TMEM132B: variants seen among roughly 807,000 people sequenced by gnomAD.
TMEM132B encodes transmembrane protein 132B.
A neutral mutation model predicts 90.8 loss-of-function variants in TMEM132B; 18 were observed. That is an observed-to-expected ratio of 0.20 (90% confidence interval 0.14 to 0.29). TMEM132B has a LOEUF of 0.29. Among genes scored for constraint, TMEM132B ranks in the 10% least tolerant of loss-of-function variants. TMEM132B has a pLI of 1.00. For synonymous variants in TMEM132B, 504 were observed against 523.3 expected, an observed-to-expected ratio of 0.96 and a Z score of 0.50; for missense variants, 1,096 against 1,326.8, an observed-to-expected ratio of 0.83 and a Z score of 2.70.
At chr12:125,282,604 T>C (rs1037892168) in intron 1 of TMEM132B, among the ~76,000 whole-genome samples, 2 of 152,194 alleles carry the variant, frequency 1.3e-5, no homozygotes, top group Non-Finnish European at 2.9e-5. Context: ...TCCCCTCCCC[T>C]TTGTTGGGGA....
chr12:125,321,089 T>C (rs1359701502), intron 1 of TMEM132B, among the ~76,000 whole-genome samples: 4 of 152,244 alleles, frequency 2.6e-5, no homozygotes, highest in African/African-American at 9.6e-5. Flanking sequence ...CTTGCCTGTC[T>C]AAATCAGAGA....
At chr12:125,636,835 G>A (rs963205927) in intron 5 of TMEM132B, among the ~76,000 whole-genome samples, 1 of 152,182 alleles carries the variant, frequency 6.6e-6, no homozygotes, top group Non-Finnish European at 1.5e-5. Context: ...TTCTCTCTAA[G>A]TGTCTGGTGA....
At chr12:125,419,838 C>A (rs1005388363) in intron 3 of TMEM132B, among the ~76,000 whole-genome samples, 6 of 152,202 alleles carry the variant, frequency 3.9e-5, no homozygotes, top group Admixed American at 3.9e-4. Flanking sequence ...AGGGTATAGG[C>A]ATGTGGTAAA....
At chr12:125,602,247 TC>T (rs1885589471) in intron 5 of TMEM132B, among the ~76,000 whole-genome samples, 1 of 152,134 alleles carries the variant, frequency 6.6e-6, no homozygotes, top group African/African-American at 2.4e-5. Flanking sequence ...TAGCAGCACA[TC>T]AAAAAGCTTA....
intron 2 of TMEM132B, among the ~76,000 whole-genome samples, chr12:125,405,175 G>A (rs1455370489): frequency 6.6e-6 from 1 of 152,330 alleles, no homozygotes; most frequent in African/African-American, 2.4e-5. Flanking sequence ...AAATCAAGAT[G>A]TCCGTAGGGT....
intron 1 of TMEM132B, among the ~76,000 whole-genome samples, chr12:125,331,020 G>A (rs1271916830): frequency 4.6e-5 from 7 of 152,264 alleles, no homozygotes; most frequent in Non-Finnish European, 5.9e-5. Context: ...CGCCCAAATC[G>A]GGGTTTCGTC....
intron 1 of TMEM132B, among the ~76,000 whole-genome samples, chr12:125,255,262 T>C (rs1488898740): frequency 6.6e-6 from 1 of 151,846 alleles, no homozygotes; most frequent in Admixed American, 6.6e-5. Flanking sequence ...TCTCCTCCTC[T>C]CTCTCTCTTT....
At chr12:125,585,493 A>G (rs986165253) in intron 5 of TMEM132B, 1 of 152,228 alleles carries the variant, frequency 6.6e-6, no homozygotes, top group African/African-American at 2.4e-5. Context: ...GAAAGGAGAC[A>G]CTGATAAGAG....
At chr12:125,348,273 G>A (rs939032521) in intron 1 of TMEM132B, among the ~76,000 whole-genome samples, 1 of 152,076 alleles carries the variant, frequency 6.6e-6, no homozygotes, top group African/African-American at 2.4e-5. Flanking sequence ...TAATAATTGT[G>A]GGTGAATATT....
intron 5 of TMEM132B, 169 bp downstream of exon 5, chr12:125,584,163 A>T: frequency 1.1e-6 from 1 of 911,420 alleles, no homozygotes; most frequent in South Asian, 1.5e-5. Context: ...CCCTGGAATC[A>T]GCAGGCGGCT....
intron 1 of TMEM132B, among the ~76,000 whole-genome samples, chr12:125,328,286 C>T (rs1392023659): frequency 1.3e-5 from 2 of 152,202 alleles, no homozygotes; most frequent in Non-Finnish European, 2.9e-5. Context: ...GGTGCCCTCA[C>T]TCCTGCCCAG....
intron 1 of TMEM132B, among the ~76,000 whole-genome samples, chr12:125,265,636 C>G (rs1167274507): frequency 6.6e-6 from 1 of 152,176 alleles, no homozygotes; most frequent in Non-Finnish European, 1.5e-5. Context: ...AAACAGGGGC[C>G]TCTGCAATCT....
chr12:125,483,262 T>C (rs1266401328), intron 3 of TMEM132B, among the ~76,000 whole-genome samples: 1 of 151,966 alleles, frequency 6.6e-6, no homozygotes, highest in Non-Finnish European at 1.5e-5. Flanking sequence ...ACATTAACAA[T>C]GAATAGTGAA....
intron 1 of TMEM132B, among the ~76,000 whole-genome samples, chr12:125,220,491 T>C (rs1873532498): frequency 6.6e-6 from 1 of 152,248 alleles, no homozygotes; most frequent in African/African-American, 2.4e-5. Flanking sequence ...TTGTGTATTC[T>C]GTATTGATTT....
chr12:125,422,614 AG>A (rs1438383574), intron 3 of TMEM132B, among the ~76,000 whole-genome samples: 3 of 152,218 alleles, frequency 2.0e-5, no homozygotes, highest in African/African-American at 7.2e-5. Flanking sequence ...CATTAAGTTA[AG>A]GATCTTGAGA....
chr12:125,448,530 A>G (rs978384179), intron 3 of TMEM132B, among the ~76,000 whole-genome samples: 14 of 152,208 alleles, frequency 9.2e-5, no homozygotes, highest in African/African-American at 2.9e-4. Flanking sequence ...TGCTGTGTAT[A>G]TCAGTATTCA....
chr12:125,411,967 T>C (rs1343889824), intron 2 of TMEM132B, among the ~76,000 whole-genome samples: 1 of 152,198 alleles, frequency 6.6e-6, no homozygotes, highest in Non-Finnish European at 1.5e-5. Flanking sequence ...TTGGGTCCCC[T>C]GGACCTGTTT....
intron 1 of TMEM132B, among the ~76,000 whole-genome samples, chr12:125,283,192 A>G (rs1875248722): frequency 6.6e-6 from 1 of 152,170 alleles, no homozygotes; most frequent in South Asian, 2.1e-4. Context: ...ATCCTTTTGT[A>G]AAATGCAGAG....
chr12:125,637,690 C>T (rs1338400349), intron 5 of TMEM132B, among the ~76,000 whole-genome samples: 1 of 152,082 alleles, frequency 6.6e-6, no homozygotes, highest in African/African-American at 2.4e-5. Context: ...CCTGGGGTAA[C>T]CACTGACACA....
Sources: gnomAD v4.1 joint callset for allele counts (sites outside exome capture counted in the v4.1 genomes callset) on GRCh38, gnomAD v4.1.1 for gene constraint, MANE v1.5 for transcripts, NCBI Gene and HGNC (gene_info 2026-07-23, HGNC 2026-07-21) for gene names.